The following TRA2A variants were observed in gnomAD, a reference collection of about 807,000 sequenced individuals.
TRA2A encodes transformer-2 protein homolog alpha.
A neutral mutation model predicts 45.7 loss-of-function variants in TRA2A; 31 were observed. That is an observed-to-expected ratio of 0.68 (90% CI 0.51 to 0.92). TRA2A has a LOEUF of 0.92. TRA2A is among the 40% of genes least tolerant of loss of function. The pLI, the probability that TRA2A is intolerant of heterozygous loss-of-function variation, is 0.00. For synonymous variants in TRA2A, 132 were observed against 126.2 expected, an observed-to-expected ratio of 1.05 and a Z score of -0.31; for missense variants, 304 against 367.5, an observed-to-expected ratio of 0.83 and a Z score of 1.41.
chr7:23,521,854 C>A lies in TRA2A; in HGVS notation c.37-14G>T. Reference sequence around the variant, plus strand: ...AGAGCGAGACTCCTAACAAAGAAGACAGTATTACAAATGGCACTGGTCATG... The same window carrying A: ...AGAGCGAGACTCCTAACAAAGAAGAAAGTATTACAAATGGCACTGGTCATG... On this transcript the variant is annotated splice_polypyrimidine_tract_variant and intron_variant, in intron 1 of 7. Coordinates refer to ENST00000297071, the MANE Select transcript of TRA2A (RefSeq NM_013293.5). 1 of 1,614,008 alleles carries A rather than the reference C, an allele frequency of 6.2e-7. No homozygotes were observed. The highest frequency in any genetic ancestry group is 8.5e-7 in the Non-Finnish European group (1 of 1,180,002).
chr7:23,526,264 A>G (rs929219919), intron 1 of TRA2A, among the ~76,000 whole-genome samples: 2 of 152,202 alleles, frequency 1.3e-5, no homozygotes, highest in Non-Finnish European at 1.5e-5. Flanking sequence ...AAATAAATAA[A>G]CTATTAAATG....
chr7:23,505,745 C>T lies in TRA2A; in HGVS notation c.838+1G>A. On this transcript the variant is annotated splice_donor_variant, in intron 7 of 7. Transcript: ENST00000297071. LOFTEE classifies it high-confidence loss of function. Reference sequence around the variant, plus strand: ...ATGCTACAAAAGTAAAGTTCACATACTTGGGCTGTAGGAACGAGATCTTGA... The same window carrying T: ...ATGCTACAAAAGTAAAGTTCACATATTTGGGCTGTAGGAACGAGATCTTGA... The T allele has an allele frequency of 2.6e-6, 4 of 1,547,050 alleles. No individual in the cohort carries two copies. Among genetic ancestry groups the T allele is most frequent in the Non-Finnish European group, 3.5e-6 (4 of 1,150,216 alleles).
chr7:23,511,717 C>T (rs1789630516), intron 4 of TRA2A, among the ~76,000 whole-genome samples: 1 of 152,018 alleles, frequency 6.6e-6, no homozygotes, highest in Non-Finnish European at 1.5e-5. Context: ...GCAAGACTCC[C>T]TGCAAAAACT....
At chr7:23,512,557 C>G (rs1438781833) in intron 4 of TRA2A, among the ~76,000 whole-genome samples, 1 of 151,946 alleles carries the variant, frequency 6.6e-6, no homozygotes, top group Non-Finnish European at 1.5e-5. Context: ...CTCCCGGGTT[C>G]GCGCCATTCT....
At chr7:23,509,456 C>T (rs1012686604) in intron 4 of TRA2A, among the ~76,000 whole-genome samples, 1 of 152,160 alleles carries the variant, frequency 6.6e-6, no homozygotes, top group South Asian at 2.1e-4. Context: ...TCACTTTAGG[C>T]TGGGCGCGAT....
At chr7:23,522,009 A>G (rs186164900) in intron 1 of TRA2A, 169 bp from the exon 2 acceptor site, 1 of 1,405,240 alleles carries the variant, frequency 7.1e-7, no homozygotes, top group Non-Finnish European at 9.3e-7. Context: ...AATACTGCTA[A>G]CTGTCCTCAA....
chr7:23,526,057 G>T (rs1354657891), intron 1 of TRA2A, among the ~76,000 whole-genome samples: 1 of 152,174 alleles, frequency 6.6e-6, no homozygotes, highest in African/African-American at 2.4e-5. Flanking sequence ...AAATAGAGTT[G>T]TATTTTACAC....
In TRA2A at chr7:23,507,458, G is replaced by A. The variant is rs759970886; in HGVS notation, c.603C>T (p.His201=). 4 of 1,614,132 alleles carry A rather than the reference G, an allele frequency of 2.5e-6. No homozygotes were observed. The South Asian group carries it at 4.4e-5, about 18-fold the overall frequency. ...RVDYSITKRA[H]TPTPGIYMGR... is the part of the protein sequence containing the mutation. The stretch of plus-strand genomic sequence containing the variant: ...CCATGTAGATGCCTGGTGTTGGTGT[G>A]TGCGCTCTCTTGGTTATAGAATAAT... The change falls in exon 5 of 8, where the codon CAC becomes CAT. Residue 201 remains histidine, a synonymous_variant. Transcript: ENST00000297071.
Position 23,516,438 on chromosome 7 carries a change from A to G in TRA2A, c.261T>C (p.Tyr87=), listed in dbSNP as rs1789874565. 1.9e-6 allele frequency: 3 copies of G among 1,614,122 alleles called. No individual in the cohort carries two copies. The highest frequency in any genetic ancestry group is 1.1e-5 in the South Asian group (1 of 91,090). The change falls in exon 3 of 8, where the codon TAT becomes TAC. Residue 87 remains tyrosine (Y), a synonymous_variant. Transcript: ENST00000297071. ...TCCTTCGCCGCCGGTATTCTGGTGT[A>G]TATGATCTACTTCGAGATCGTCTCC... The part of the protein sequence containing the change: ...SHRRRSRSRS[Y]TPEYRRRRSR...
At chr7:23,526,648 C>A (rs1790352030) in intron 1 of TRA2A, among the ~76,000 whole-genome samples, 1 of 152,166 alleles carries the variant, frequency 6.6e-6, no homozygotes, top group African/African-American at 2.4e-5. Context: ...CTCTTACAGA[C>A]CCCTATGAAG....
At chr7:23,524,444 A>C (rs1268126056) in intron 1 of TRA2A, among the ~76,000 whole-genome samples, 2 of 152,070 alleles carry the variant, frequency 1.3e-5, no homozygotes, top group Non-Finnish European at 2.9e-5. Flanking sequence ...TCAGCCTCCC[A>C]AAGTGCTGGG....
chr7:23,518,357 T>C (rs533218211), intron 2 of TRA2A, among the ~76,000 whole-genome samples: 3 of 151,272 alleles, frequency 2.0e-5, no homozygotes, highest in Non-Finnish European at 4.4e-5. Context: ...ATTTCTTTTT[T>C]TGGAGACAGA....
chr7:23,516,666 T>G, intron 2 of TRA2A, 138 bp from the exon 3 acceptor site: 1 of 700,176 alleles, frequency 1.4e-6, no homozygotes, highest in Non-Finnish European at 2.4e-6. Context: ...TATTCTTCCT[T>G]TGGTTCACTT....
At position 23,516,307 on chromosome 7, in the gene TRA2A, T is replaced by C. The variant is rs1457011532; in HGVS notation, c.336+56A>G. 15 of 1,588,050 alleles carry C rather than the reference T, an allele frequency of 9.4e-6. No individual in the cohort carries two copies. The East Asian group carries it at 2.9e-4, about 31-fold the overall frequency. ...GCTCCCCTAAAAGCAAGATATGCCATGACTAAACACATAAAAGAGAAAATA... is the reference window on the plus strand; with the variant it reads ...GCTCCCCTAAAAGCAAGATATGCCACGACTAAACACATAAAAGAGAAAATA... On this transcript the variant is annotated intron_variant, in intron 3 of 7. Transcript: ENST00000297071.
chr7:23,525,742 CCATCGCACCTGG>C (rs931842301), intron 1 of TRA2A, among the ~76,000 whole-genome samples: 10 of 152,138 alleles, frequency 6.6e-5, no homozygotes, highest in African/African-American at 2.4e-4. Context: ...CAGGCACCCG[CCATCGCACCTGG>C]CTAACTTTTG....
At chr7:23,510,101 T>A (rs1315245486) in intron 4 of TRA2A, among the ~76,000 whole-genome samples, 1 of 152,080 alleles carries the variant, frequency 6.6e-6, no homozygotes, top group African/African-American at 2.4e-5. Context: ...AGATTGCCTG[T>A]CCCTAAAGAC....
At chr7:23,524,228 G>A (rs1048976397) in intron 1 of TRA2A, among the ~76,000 whole-genome samples, 9 of 152,124 alleles carry the variant, frequency 5.9e-5, no homozygotes, top group African/African-American at 2.2e-4. Context: ...CTGTCACCCA[G>A]GCTGGAGTGT....
In TRA2A at chr7:23,531,895, C is replaced by G; in HGVS notation, c.-71G>C. The G allele has an allele frequency of 6.5e-7, 1 of 1,545,950 alleles. No individual in the cohort carries two copies. Among genetic ancestry groups the G allele is most frequent in the Non-Finnish European group, 8.9e-7 (1 of 1,123,222 alleles). ...TCGAGGGCCGATGGCCTAATTAACCCGCTGACTGGACCGTGGGGAAGAGGA... is the reference window on the plus strand; with the variant it reads ...TCGAGGGCCGATGGCCTAATTAACCGGCTGACTGGACCGTGGGGAAGAGGA... On this transcript the variant is annotated 5_prime_UTR_variant, in exon 1 of 8. Coordinates refer to ENST00000297071, the MANE Select transcript of TRA2A (RefSeq NM_013293.5).
intron 1 of TRA2A, among the ~76,000 whole-genome samples, chr7:23,530,325 T>G (rs889653700): frequency 6.6e-6 from 1 of 152,204 alleles, no homozygotes; most frequent in African/African-American, 2.4e-5. Context: ...AAAGGCAAAT[T>G]TTTTAGTCTA....
Sources: allele counts gnomAD v4.1 joint callset (sites outside exome capture counted in the v4.1 genomes callset), GRCh38; gene constraint gnomAD v4.1.1; transcripts MANE v1.5; gene names NCBI Gene and HGNC (gene_info 2026-07-23, HGNC 2026-07-21).